Variants in PRKAR2B observed in about 807,000 individuals in gnomAD.
The protein encoded by PRKAR2B is cAMP-dependent protein kinase type II-beta regulatory subunit.
Under a neutral mutation model 49.9 loss-of-function variants are expected in PRKAR2B, and 14 were observed. That is an observed-to-expected ratio of 0.28 (90% CI 0.19 to 0.44). The LOEUF (loss-of-function observed/expected upper bound fraction) is 0.44. Ranked by LOEUF, PRKAR2B falls within the 20% of genes least tolerant of loss-of-function variation. The pLI, the probability that PRKAR2B is intolerant of heterozygous loss-of-function variation, is 1.00. For missense variants in PRKAR2B, 393 were observed against 537.9 expected, an observed-to-expected ratio of 0.73 and a Z score of 2.67; for synonymous variants, 196 against 197.7, an observed-to-expected ratio of 0.99 and a Z score of 0.07.
In PRKAR2B at chr7:107,097,778, T is replaced by C. The variant is rs1794873620; in HGVS notation, c.344-24174T>C. ...TCTCCTCCACTTATGAAGCTTAGTT[T>C]GGCTGGATATGAAATTCTGGGTTGA... On this transcript the variant is annotated intron_variant, in intron 2 of 10. Coordinates refer to ENST00000265717, the MANE Select transcript of PRKAR2B (RefSeq NM_002736.3). Among the ~76,000 whole-genome samples the C allele has an allele frequency of 2.0e-5, 3 of 152,206 alleles. 1 individual carries two copies. In the South Asian group the frequency reaches 6.2e-4, roughly 31 times the overall value.
intron 2 of PRKAR2B, among the ~76,000 whole-genome samples, chr7:107,075,315 A>C (rs980334008): frequency 2.0e-5 from 3 of 151,272 alleles, no homozygotes; most frequent in African/African-American, 7.3e-5. Flanking sequence ...GTTGGCCAGG[A>C]TGGTCTCAAT....
intron 2 of PRKAR2B, among the ~76,000 whole-genome samples, chr7:107,112,652 T>C (rs1042649637): frequency 5.3e-5 from 8 of 152,162 alleles, no homozygotes; most frequent in African/African-American, 1.7e-4. Context: ...AAAAAAAGGC[T>C]GATGAGTTCC....
Position 107,161,712 on chromosome 7 carries a change from G to GT in PRKAR2B, c.*2131dup, listed in dbSNP as rs1165502391. 6.0e-5 allele frequency: 9 copies of GT among 150,846 alleles called. No individual in the cohort carries two copies. Among genetic ancestry groups the GT allele is most frequent in the Non-Finnish European group, 1.3e-4 (9 of 68,020 alleles). The allele number at this position is 150,846 out of a possible 1,614,324, so 9.3% of individuals were successfully genotyped here. ...ATCATGTGTGGGAGAAATAATTGTG[G>GT]TGTGTTGCAGATTTATTTGGCCATT... On this transcript the variant is annotated 3_prime_UTR_variant, in exon 11 of 11. Transcript: ENST00000265717.
At chr7:107,142,107 C>T (rs1385347737) in intron 5 of PRKAR2B, among the ~76,000 whole-genome samples, 5 of 152,154 alleles carry the variant, frequency 3.3e-5, no homozygotes, top group Non-Finnish European at 7.3e-5. Context: ...CTCTCCCAGC[C>T]TGACTTACTG....
intron 8 of PRKAR2B, 128 bp downstream of exon 8, chr7:107,153,379 C>A: frequency 1.8e-6 from 1 of 549,370 alleles, no homozygotes; most frequent in South Asian, 4.0e-5. Context: ...AATATTACTT[C>A]TACCAAATGA....
Position 107,096,586 on chromosome 7 carries a change from C to A in PRKAR2B, c.344-25366C>A, listed in dbSNP as rs1794842325. On this transcript the variant is annotated intron_variant, in intron 2 of 10. Transcript: ENST00000265717. ...TGTGTTTGGTCTTGCTTCTCTAGTT[C>A]TTTTAATTGTGATGTTAGGGTGTCA... Among the ~76,000 whole-genome samples the A allele has an allele frequency of 2.0e-5, 3 of 151,560 alleles. No homozygotes were observed. The South Asian group carries it at 6.2e-4, about 32-fold the overall frequency.
At chr7:107,140,806 A>G in intron 4 of PRKAR2B, 41 bp from the exon 5 acceptor site, 1 of 1,425,386 alleles carries the variant, frequency 7.0e-7, no homozygotes. Context: ...AACATGTTCT[A>G]GATAAACATA....
At chr7:107,148,146 C>T (rs1324489802) in intron 6 of PRKAR2B, among the ~76,000 whole-genome samples, 2 of 152,212 alleles carry the variant, frequency 1.3e-5, no homozygotes, top group Non-Finnish European at 2.9e-5. Flanking sequence ...CAGGACAGTC[C>T]TTCACCCACA....
chr7:107,160,462 C>G lies in PRKAR2B; in HGVS notation c.*880C>G, dbSNP rs1228217443. On this transcript the variant is annotated 3_prime_UTR_variant, in exon 11 of 11. Coordinates refer to ENST00000265717, the MANE Select transcript of PRKAR2B (RefSeq NM_002736.3). ...TTAAGATTTTACACCTAAAAAATCT[C>G]TCCTATCCCAAAAATAATGTGGGAT... 1 of 152,088 alleles carries G rather than the reference C, an allele frequency of 6.6e-6. No homozygotes were observed. The allele number at this position is 152,088 out of a possible 1,614,324, so 9.4% of individuals were successfully genotyped here.
intron 2 of PRKAR2B, among the ~76,000 whole-genome samples, chr7:107,071,273 C>T (rs1295070514): frequency 2.0e-5 from 3 of 152,122 alleles, no homozygotes; most frequent in African/African-American, 7.2e-5. Flanking sequence ...CTTATTTCCA[C>T]CTGTGCTATA....
intron 8 of PRKAR2B, among the ~76,000 whole-genome samples, chr7:107,155,623 A>G (rs1796068209): frequency 6.6e-6 from 1 of 151,708 alleles, no homozygotes; most frequent in African/African-American, 2.4e-5. Flanking sequence ...AATGATCAGT[A>G]ATGATCTTTT....
intron 7 of PRKAR2B, among the ~76,000 whole-genome samples, chr7:107,152,448 G>T (rs1320429952): frequency 1.3e-5 from 2 of 152,192 alleles, no homozygotes; most frequent in Non-Finnish European, 2.9e-5. Flanking sequence ...CAGCCCAGAG[G>T]TCTTCTCAAT....
chr7:107,099,036 T>C (rs577894348), intron 2 of PRKAR2B, among the ~76,000 whole-genome samples: 142 of 152,332 alleles, frequency 9.3e-4, no homozygotes, highest in African/African-American at 3.3e-3. Flanking sequence ...CACTACTCTC[T>C]TCAAAGCTGT....
Position 107,146,318 on chromosome 7 carries a change from G to A in PRKAR2B, c.598G>A (p.Asp200Asn). 1 of 1,613,850 alleles carries A rather than the reference G, an allele frequency of 6.2e-7. No individual in the cohort carries two copies. The highest frequency in any genetic ancestry group is 1.1e-5 in the South Asian group (1 of 91,018). The change falls in exon 6 of 11, where the codon GAT (aspartate) becomes AAT (asparagine). Residue 200 changes from aspartate to asparagine, a missense_variant. Asp to Asn is a conservative substitution (Grantham distance 23). This residue lies in a region of PRKAR2B where 233 missense variants were observed against 390.4 expected (regional missense o/e 0.60). Coordinates refer to ENST00000265717, the MANE Select transcript of PRKAR2B (RefSeq NM_002736.3). Reference sequence around the variant, plus strand: ...ACATATGTCCAACAGAGGCACATTTGATATTTATGTGAAATGTGATGGTGT... The same window carrying A: ...ACATATGTCCAACAGAGGCACATTTAATATTTATGTGAAATGTGATGGTGT... ...NFYVIDRGTF[D>N]IYVKCDGVGR...
At position 107,159,633 on chromosome 7, in the gene PRKAR2B, T is replaced by TC; in HGVS notation, c.*51_*52insC. 6.3e-7 allele frequency: 1 copy of TC among 1,582,014 alleles called. No individual in the cohort carries two copies. Among genetic ancestry groups the TC allele is most frequent in the South Asian group, 1.1e-5 (1 of 87,954 alleles). ...AGTGACAAAATTACACAGTAGTGGT[T>TC]AGTCCACTGAGAATGTGTTTGTGTA... On this transcript the variant is annotated 3_prime_UTR_variant, in exon 11 of 11. Transcript: ENST00000265717.
chr7:107,157,206 G>A lies in PRKAR2B; in HGVS notation c.1005G>A (p.Glu335=). ...GTCAGGGTAAATCAGAAGTGGAAGAGAATGGTGCAGTAGAAATCGCTCGAT... is the reference window on the plus strand; with the variant it reads ...GTCAGGGTAAATCAGAAGTGGAAGAAAATGGTGCAGTAGAAATCGCTCGAT... The part of the protein sequence containing the change: ...MKRKGKSEVE[E]NGAVEIARCS... The change falls in exon 10 of 11, where the codon GAG becomes GAA. Residue 335 remains glutamate (E), a synonymous_variant. Transcript: ENST00000265717. 1 of 1,613,672 alleles carries A rather than the reference G, an allele frequency of 6.2e-7. No homozygotes were observed. Among genetic ancestry groups the A allele is most frequent in the Non-Finnish European group, 8.5e-7 (1 of 1,179,776 alleles).
intron 5 of PRKAR2B, among the ~76,000 whole-genome samples, chr7:107,144,813 T>A (rs1473044850): frequency 7.1e-5 from 5 of 70,178 alleles, no homozygotes; most frequent in South Asian, 4.4e-4. Context: ...TTTTTTTTTT[T>A]AGCAGCACGT....
Position 107,159,596 on chromosome 7 carries a change from A to C in PRKAR2B, c.*14A>C, listed in dbSNP as rs1796161158. 1 of 1,613,830 alleles carries C rather than the reference A, an allele frequency of 6.2e-7. No homozygotes were observed. The highest frequency in any genetic ancestry group is 1.3e-5 in the African/African-American group (1 of 74,924). On this transcript the variant is annotated 3_prime_UTR_variant, in exon 11 of 11. Coordinates refer to ENST00000265717, the MANE Select transcript of PRKAR2B (RefSeq NM_002736.3). ...CCCACTGCATGAAGCAAAAGTATGG[A>C]GCAAGACCTGTAGTGACAAAATTAC...
chr7:107,052,244 C>A (rs1315999054), intron 1 of PRKAR2B, among the ~76,000 whole-genome samples: 1 of 152,074 alleles, frequency 6.6e-6, no homozygotes, highest in African/African-American at 2.4e-5. Flanking sequence ...CATGGTGAAA[C>A]CCCATCTCTA....
Sources: allele counts gnomAD v4.1 joint callset (sites outside exome capture counted in the v4.1 genomes callset), GRCh38; gene constraint gnomAD v4.1.1; regional missense constraint gnomAD v4.1.1; transcripts MANE v1.5; gene names NCBI Gene and HGNC (gene_info 2026-07-23, HGNC 2026-07-21).